Variants in SPON1 observed in about 807,000 individuals in gnomAD.
SPON1 encodes spondin 1.
A neutral mutation model predicts 111.7 loss-of-function variants in SPON1; 52 were observed. The ratio of observed to expected loss-of-function variants is 0.47; its 90% CI spans 0.37 to 0.59. The LOEUF is 0.59. Among genes scored for constraint, SPON1 ranks in the 20% least tolerant of loss-of-function variants. SPON1 has a pLI of 0.00. For synonymous variants in SPON1, 410 were observed against 395.8 expected, an observed-to-expected ratio of 1.04 and a Z score of -0.43; for missense variants, 957 against 1,068.5, an observed-to-expected ratio of 0.90 and a Z score of 1.46.
At chr11:14,067,182 AAAC>A (rs1180852518) in intron 3 of SPON1, among the ~76,000 whole-genome samples, 1 of 151,696 alleles carries the variant, frequency 6.6e-6, no homozygotes, top group Non-Finnish European at 1.5e-5. Context: ...GCCTCAAAAA[AAAC>A]AAAACAACAA....
chr11:13,996,711 G>GTATATATATATATATATATATATATA (rs145375464), intron 2 of SPON1, among the ~76,000 whole-genome samples: 4 of 145,142 alleles, frequency 2.8e-5, no homozygotes, highest in African/African-American at 1.1e-4. Flanking sequence ...ACCTATGTGT[G>GTATATATATATATATATATATATATA]TATATATATA....
chr11:14,022,141 C>G (rs1241678443), intron 2 of SPON1, among the ~76,000 whole-genome samples: 1 of 152,112 alleles, frequency 6.6e-6, no homozygotes, highest in Non-Finnish European at 1.5e-5. Context: ...AGCAGAGGGT[C>G]GTTATGAATT....
At chr11:14,078,485 A>G (rs1391244055) in intron 4 of SPON1, among the ~76,000 whole-genome samples, 1 of 152,000 alleles carries the variant, frequency 6.6e-6, no homozygotes, top group Non-Finnish European at 1.5e-5. Context: ...ATCTTTCTTC[A>G]TTGAAAAAAG....
intron 2 of SPON1, among the ~76,000 whole-genome samples, chr11:14,020,416 A>G (rs1437663212): frequency 1.3e-5 from 2 of 152,230 alleles, no homozygotes; most frequent in African/African-American, 4.8e-5. Flanking sequence ...GTGCAGATTC[A>G]GTGATGCCAA....
chr11:13,975,852 A>C (rs9704394), intron 1 of SPON1, among the ~76,000 whole-genome samples: 1 of 151,944 alleles, frequency 6.6e-6, no homozygotes, highest in Non-Finnish European at 1.5e-5. Flanking sequence ...TTGTTGGGTA[A>C]TCAGCCTGAT....
chr11:14,206,745 A>G (rs1554936226), intron 6 of SPON1, among the ~76,000 whole-genome samples: 1 of 152,204 alleles, frequency 6.6e-6, no homozygotes, highest in Non-Finnish European at 1.5e-5. Context: ...GACACAAACA[A>G]ATGGAAAAAC....
chr11:14,105,472 T>G (rs1172484259), intron 5 of SPON1, among the ~76,000 whole-genome samples: 1 of 152,164 alleles, frequency 6.6e-6, no homozygotes, highest in Non-Finnish European at 1.5e-5. Context: ...TCTTCTGAAA[T>G]AGATATAATG....
intron 2 of SPON1, among the ~76,000 whole-genome samples, chr11:14,026,674 A>T (rs1848521218): frequency 6.6e-6 from 1 of 152,242 alleles, no homozygotes; most frequent in South Asian, 2.1e-4. Context: ...TAAGGAAAGG[A>T]TAACAGGGAG....
At chr11:14,043,386 G>C (rs545400107) in intron 3 of SPON1, among the ~76,000 whole-genome samples, 11 of 152,290 alleles carry the variant, frequency 7.2e-5, no homozygotes, top group Non-Finnish European at 1.2e-4. Flanking sequence ...TTGAAAGTTG[G>C]GGAGGTGGTG....
In SPON1 at chr11:14,135,828, CCTTGT is replaced by C. The variant is rs1418559576; in HGVS notation, c.825+263_825+267del. 6.6e-6 allele frequency among the ~76,000 whole-genome samples: 1 copy of C among 152,114 alleles called. No homozygotes were observed. The highest frequency in any genetic ancestry group is 2.4e-5 in the African/African-American group (1 of 41,416). On this transcript the variant is annotated intron_variant, in intron 6 of 15. Coordinates refer to ENST00000576479, the MANE Select transcript of SPON1 (RefSeq NM_006108.4). This position sits in a 1 kb window ranked among gnomAD's most constrained non-coding sequence, Gnocchi z 4.4. ...CTGCTGTGGCCATATTGTTGGGATG[CCTTGT>C]CTCTAGTCTCCTGAGAGTCAAAGCC...
chr11:14,126,810 G>A (rs1314671758), intron 5 of SPON1, among the ~76,000 whole-genome samples: 2 of 152,038 alleles, frequency 1.3e-5, no homozygotes, highest in African/African-American at 4.8e-5. Context: ...CCTGATACCT[G>A]AGTCTTTTCT....
intron 6 of SPON1, among the ~76,000 whole-genome samples, chr11:14,172,796 T>C (rs1307230006): frequency 1.3e-5 from 2 of 151,830 alleles, no homozygotes; most frequent in Admixed American, 6.6e-5. Flanking sequence ...AAAATTCTTT[T>C]CTTTAAGAAT....
At chr11:14,127,527 C>A (rs1847474612) in intron 5 of SPON1, among the ~76,000 whole-genome samples, 1 of 152,206 alleles carries the variant, frequency 6.6e-6, no homozygotes, top group South Asian at 2.1e-4. Context: ...TATGTCCTAC[C>A]AAAGGTATGG....
intron 5 of SPON1, among the ~76,000 whole-genome samples, chr11:14,086,239 T>G (rs781858104): frequency 2.5e-4 from 38 of 152,186 alleles, no homozygotes; most frequent in Non-Finnish European, 5.1e-4. Flanking sequence ...TCAAGGGAAA[T>G]GCTTCCAGCT....
chr11:14,051,999 G>T (rs2133818752), intron 3 of SPON1, among the ~76,000 whole-genome samples: 1 of 152,238 alleles, frequency 6.6e-6, no homozygotes, highest in South Asian at 2.1e-4. Context: ...TGACTCCAAA[G>T]CCCTAATCAC....
chr11:14,169,450 C>T (rs1554932195), intron 6 of SPON1, among the ~76,000 whole-genome samples: 1 of 151,724 alleles, frequency 6.6e-6, no homozygotes, highest in East Asian at 1.9e-4. Flanking sequence ...CTGTAGGTTG[C>T]CTGTTCACTC....
intron 3 of SPON1, among the ~76,000 whole-genome samples, chr11:14,052,807 GA>G (rs1554918763): frequency 6.6e-6 from 1 of 152,194 alleles, no homozygotes; most frequent in African/African-American, 2.4e-5. Context: ...GCCCCCAGGG[GA>G]GAAAACTGGA....
chr11:13,996,165 G>GT (rs111458719), intron 2 of SPON1, among the ~76,000 whole-genome samples: 7,253 of 146,006 alleles, frequency 0.05, 543 homozygotes, highest in African/African-American at 0.17. Context: ...CCTAGTAAAA[G>GT]TTTTTTTTTT....
chr11:14,046,077 A>C (rs575042240), intron 3 of SPON1, among the ~76,000 whole-genome samples: 2 of 152,340 alleles, frequency 1.3e-5, no homozygotes, highest in South Asian at 4.1e-4. Flanking sequence ...ATGAGGTGCC[A>C]GAGGAAAGTT....
Sources: allele counts gnomAD v4.1 joint callset (sites outside exome capture counted in the v4.1 genomes callset), GRCh38; gene constraint gnomAD v4.1.1; non-coding constraint Gnocchi (gnomAD v3.1); transcripts MANE v1.5; gene names NCBI Gene and HGNC (gene_info 2026-07-23, HGNC 2026-07-21).